The following ZNF382 variants were observed in gnomAD, a reference collection of about 807,000 sequenced individuals.
ZNF382 encodes the protein zinc finger protein 382.
ZNF382 carries 20 observed loss-of-function variants against 38.8 expected under a neutral mutation model. The observed-to-expected ratio is 0.51, with a 90% CI of 0.36 to 0.75. The LOEUF is 0.75. ZNF382 is among the 30% of genes least tolerant of loss of function. ZNF382 has a pLI of 0.00. For synonymous variants in ZNF382, 202 were observed against 223.1 expected (o/e 0.91, Z 0.84); for missense variants, 546 against 654.1 (o/e 0.83, Z 1.80).
At chr19:36,605,764 T>A (rs1242659636) in intron 1 of ZNF382, 1 of 152,398 alleles carries the variant, frequency 6.6e-6, no homozygotes, top group East Asian at 1.9e-4. Flanking sequence ...TGTGGCCGAT[T>A]GTGTGTGAAA....
At chr19:36,613,020 T>A (rs2037091359) in intron 4 of ZNF382, among the ~76,000 whole-genome samples, 1 of 152,192 alleles carries the variant, frequency 6.6e-6, no homozygotes, top group South Asian at 2.1e-4. Flanking sequence ...CTCAAACTCC[T>A]GACCTTGTCA....
chr19:36,621,892 A>G (rs1412923912), intron 4 of ZNF382, among the ~76,000 whole-genome samples: 1 of 152,158 alleles, frequency 6.6e-6, no homozygotes, highest in Non-Finnish European at 1.5e-5. Context: ...GATGGATACT[A>G]TATGTTCCAT....
In ZNF382 at chr19:36,610,867, C is replaced by T. The variant is rs536320946; in HGVS notation, c.232+125C>T. 2.9e-5 allele frequency: 19 copies of T among 647,968 alleles called. 1 individual carries two copies. The South Asian group carries it at 3.7e-4, about 13-fold the overall frequency. The allele number at this position is 647,968 out of a possible 1,614,324, so 40.1% of individuals were successfully genotyped here. ...ATAACATTAAATATGCTATCTTAAA[C>T]TTTTTAAGCATATAGTTCAGTAGCA... On this transcript the variant is annotated intron_variant, in intron 4 of 4. Transcript: ENST00000292928.
rs954996271 is a variant in ZNF382 at position 36,629,369 on chromosome 19, A to G, written c.*1819A>G. 4 of 152,102 alleles carry G rather than the reference A, an allele frequency of 2.6e-5. No individual in the cohort carries two copies. The highest frequency in any genetic ancestry group is 9.7e-5 in the African/African-American group (4 of 41,402). The allele number at this position is 152,102 out of a possible 1,614,324, so 9.4% of individuals were successfully genotyped here. A position where few individuals can be genotyped will look rare whatever the true frequency, so the allele number is the denominator to read the frequency against. On this transcript the variant is annotated 3_prime_UTR_variant, in exon 5 of 5. Transcript: ENST00000292928. ...GCTGAGCTCCCAGCCATCAGCTAGC[A>G]TCAGCTGCCAACCATGTAAGTGAGG...
At chr19:36,626,103 C>A in intron 4 of ZNF382, 27 bp from the exon 5 acceptor site, 1 of 1,482,424 alleles carries the variant, frequency 6.7e-7, no homozygotes. Context: ...TGTGAAGACT[C>A]ACAGTGTTAA....
chr19:36,624,303 T>G (rs563187196), intron 4 of ZNF382, among the ~76,000 whole-genome samples: 2 of 152,230 alleles, frequency 1.3e-5, no homozygotes, highest in South Asian at 4.1e-4. Context: ...TCATTCTTGT[T>G]GTCATTGTGT....
rs1395087351 is a variant in ZNF382, at chr19:36,627,026, G to T, written c.1129G>T (p.Glu377Ter). 1 of 1,613,866 alleles carries T rather than the reference G, an allele frequency of 6.2e-7. No individual in the cohort carries two copies. The highest frequency in any genetic ancestry group is 8.5e-7 in the Non-Finnish European group (1 of 1,179,966). Residue 377 changes from glutamate to a stop codon, truncating the protein, a stop_gained, in exon 5 of 5, where the codon GAG (glutamate) becomes TAG (stop). Coordinates refer to ENST00000292928, the MANE Select transcript of ZNF382 (RefSeq NM_032825.5). LOFTEE classifies it high-confidence loss of function. ...LTRHHKTHTG[E>*]KAYECPQCGS... ...TAGACATCACAAAACACATACGGGG[G>T]AGAAAGCCTATGAATGTCCTCAGTG... is the stretch of plus-strand genomic sequence containing the variant.
Position 36,633,042 on chromosome 19 carries a change from C to CT in ZNF382, c.*5507dup, listed in dbSNP as rs34035471. On this transcript the variant is annotated 3_prime_UTR_variant, in exon 5 of 5. Transcript: ENST00000292928. ...AGATATTTATCAGTTTATAATCAGG[C>CT]TTTTTTTTTTTTTTTGAGACAGTGT... 2.6e-3 allele frequency: 375 copies of CT among 141,572 alleles called. No homozygotes were observed. The highest frequency in any genetic ancestry group is 4.5e-3 in the East Asian group (22 of 4,846). The allele number at this position is 141,572 out of a possible 1,614,324, so 8.8% of individuals were successfully genotyped here.
rs779075034 is a variant in ZNF382 at position 36,627,145 on chromosome 19, A to G, written c.1248A>G (p.Ala416=). ...KPYQCNECGK[A]FIQKTTLTVH... is the part of the protein sequence containing the mutation. ...ATCAGTGTAATGAGTGTGGGAAGGC[A>G]TTTATCCAGAAGACAACCCTCACTG... is the stretch of plus-strand genomic sequence containing the variant. The change falls in exon 5 of 5, where the codon GCA becomes GCG. Residue 416 remains alanine (A), a synonymous_variant. Coordinates refer to ENST00000292928, the MANE Select transcript of ZNF382 (RefSeq NM_032825.5). 5.6e-6 allele frequency: 9 copies of G among 1,613,768 alleles called. No homozygotes were observed. Among genetic ancestry groups the G allele is most frequent in the South Asian group, 4.4e-5 (4 of 91,054 alleles).
At position 36,626,663 on chromosome 19, in the gene ZNF382, A is replaced by C. The variant is rs372473913; in HGVS notation, c.766A>C (p.Ser256Arg). 1.2e-6 allele frequency: 2 copies of C among 1,613,992 alleles called. No individual in the cohort carries two copies. The highest frequency in any genetic ancestry group is 1.7e-6 in the Non-Finnish European group (2 of 1,180,048). ...GIAFIEKSSLSVHPSNLMEKK... is the reference protein window; with the variant it reads ...GIAFIEKSSLRVHPSNLMEKK... Reference sequence around the variant, plus strand: ...TGCCTTCATAGAAAAGTCAAGCCTCAGTGTCCATCCAAGTAATCTTATGGA... The same window carrying C: ...TGCCTTCATAGAAAAGTCAAGCCTCCGTGTCCATCCAAGTAATCTTATGGA... Residue 256 changes from serine (S) to arginine (R), a missense_variant, in exon 5 of 5, where the codon AGT (serine) becomes CGT (arginine). Transcript: ENST00000292928.
intron 1 of ZNF382, among the ~76,000 whole-genome samples, chr19:36,607,230 T>G (rs2037040698): frequency 6.6e-6 from 1 of 152,164 alleles, no homozygotes; most frequent in South Asian, 2.1e-4. Flanking sequence ...AAGAACCGTT[T>G]GGAAATACAC....
At chr19:36,613,598 G>A (rs576881708) in intron 4 of ZNF382, among the ~76,000 whole-genome samples, 108 of 151,812 alleles carry the variant, frequency 7.1e-4, no homozygotes, top group Non-Finnish European at 1.3e-4. Context: ...GCACCACCAC[G>A]CCCCGCTAAT....
rs2037270781 is a variant in ZNF382 at position 36,634,008 on chromosome 19, A to T, written c.*6458A>T. The T allele has an allele frequency of 6.8e-6, 1 of 146,974 alleles. No homozygotes were observed. The highest frequency in any genetic ancestry group is 2.4e-5 in the African/African-American group (1 of 41,160). The allele number at this position is 146,974 out of a possible 1,614,324, so 9.1% of individuals were successfully genotyped here. ...TGTTTTGTATCCTGCTTGTGGTCAT[A>T]GATAAAAAATCTATGCATGTGTAAA... On this transcript the variant is annotated 3_prime_UTR_variant, in exon 5 of 5. Transcript: ENST00000292928.
chr19:36,614,953 CCCTT>C (rs1279035930), intron 4 of ZNF382, among the ~76,000 whole-genome samples: 1 of 137,886 alleles, frequency 7.3e-6, no homozygotes, highest in Non-Finnish European at 1.5e-5. Flanking sequence ...CTTTCCCTTT[CCCTT>C]CCTTTCCTTT....
chr19:36,610,127 A>G, intron 3 of ZNF382, 74 bp downstream of exon 3: 3 of 1,554,418 alleles, frequency 1.9e-6, no homozygotes, highest in Non-Finnish European at 2.6e-6. Context: ...AGGACTTTGA[A>G]TTTCAGGGAT....
intron 4 of ZNF382, among the ~76,000 whole-genome samples, chr19:36,619,854 C>T (rs2037155258): frequency 6.6e-6 from 1 of 151,944 alleles, no homozygotes; most frequent in South Asian, 2.1e-4. Flanking sequence ...CCTTAGCCTC[C>T]TGAGTAGCTG....
intron 4 of ZNF382, among the ~76,000 whole-genome samples, chr19:36,611,270 A>G (rs1442823590): frequency 6.6e-6 from 1 of 152,088 alleles, no homozygotes; most frequent in Admixed American, 6.6e-5. Flanking sequence ...AGCCTAGGCG[A>G]CAGAGCGAGA....
At chr19:36,605,669 T>G (rs2145306090) in intron 1 of ZNF382, 1 of 152,188 alleles carries the variant, frequency 6.6e-6, no homozygotes, top group Admixed American at 6.5e-5. Context: ...CGCTGTGTGT[T>G]CGCGCGCGCG....
chr19:36,605,559 C>T (rs559248830), intron 1 of ZNF382: 29 of 152,332 alleles, frequency 1.9e-4, no homozygotes, highest in African/African-American at 6.7e-4. Flanking sequence ...ATGGGCGTGA[C>T]CTTGAGGGTG....
Sources: gnomAD v4.1 joint callset for allele counts (sites outside exome capture counted in the v4.1 genomes callset) on GRCh38, gnomAD v4.1.1 for gene constraint, MANE v1.5 for transcripts, NCBI Gene and HGNC (gene_info 2026-07-23, HGNC 2026-07-21) for gene names.